Variants in PBRM1 observed in about 807,000 individuals in gnomAD.
The protein encoded by PBRM1 is polybromo 1, also known as protein polybromo-1.
PBRM1 carries 27 observed loss-of-function variants against 194.5 expected under a neutral mutation model. The ratio of observed to expected loss-of-function variants is 0.14; its 90% CI spans 0.10 to 0.19. The LOEUF (loss-of-function observed/expected upper bound fraction) is 0.19, where lower values mean the gene tolerates loss of function less well. PBRM1 is among the 10% of genes least tolerant of loss of function. The pLI is 1.00. For missense variants in PBRM1, 1,466 were observed against 2,077.2 expected (o/e 0.71, Z 5.72); for synonymous variants, 655 against 693.2 (o/e 0.94, Z 0.87).
chr3:52,583,744 G>C (rs559635033), intron 20 of PBRM1, among the ~76,000 whole-genome samples: 2 of 151,806 alleles, frequency 1.3e-5, no homozygotes, highest in African/African-American at 4.8e-5. Flanking sequence ...GAAAATCCTC[G>C]TCTATTCCAA....
chr3:52,579,274 C>T, intron 20 of PBRM1, 75 bp from the exon 23 acceptor site: 2 of 1,369,256 alleles, frequency 1.5e-6, no homozygotes, highest in East Asian at 4.6e-5. Context: ...CGAAAGCAGA[C>T]TTTTCTTTCA....
intron 17 of PBRM1, among the ~76,000 whole-genome samples, chr3:52,593,253 ATCTT>A (rs762818112): frequency 4.4e-4 from 66 of 150,298 alleles, no homozygotes; most frequent in Non-Finnish European, 7.9e-4. Flanking sequence ...TTAATTTGAG[ATCTT>A]TCTTTTTTTT....
At chr3:52,659,032 A>T (rs2096664613) in intron 4 of PBRM1, among the ~76,000 whole-genome samples, 1 of 152,240 alleles carries the variant, frequency 6.6e-6, no homozygotes, top group Non-Finnish European at 1.5e-5. Flanking sequence ...ATGACTACTT[A>T]CATAGAGTTG....
intron 16 of PBRM1, among the ~76,000 whole-genome samples, chr3:52,604,181 C>T (rs754798151): frequency 6.6e-6 from 1 of 152,150 alleles, no homozygotes; most frequent in Non-Finnish European, 1.5e-5. Flanking sequence ...TCCTTTTGGT[C>T]CTACATCATG....
intron 2 of PBRM1, among the ~76,000 whole-genome samples, chr3:52,674,514 G>A (rs1463142191): frequency 6.7e-6 from 1 of 148,844 alleles, no homozygotes; most frequent in Non-Finnish European, 1.5e-5. Flanking sequence ...GAGAGGCTGG[G>A]TGTGGTGGCT....
intron 11 of PBRM1, among the ~76,000 whole-genome samples, chr3:52,629,994 C>T (rs905705889): frequency 2.0e-5 from 3 of 152,138 alleles, no homozygotes; most frequent in Admixed American, 6.6e-5. Flanking sequence ...AAGCAAACAA[C>T]AACTAAGCAC....
chr3:52,679,842 T>C (rs760593495), upstream of PBRM1: 22 of 662,434 alleles, frequency 3.3e-5, no homozygotes, highest in African/African-American at 3.3e-4. Context: ...TAACGTGTTG[T>C]AGTTTAACTA....
intron 11 of PBRM1, among the ~76,000 whole-genome samples, chr3:52,629,991 C>A (rs1197380971): frequency 6.6e-6 from 1 of 152,156 alleles, no homozygotes; most frequent in Admixed American, 6.6e-5. Context: ...ACAAAGCAAA[C>A]AACAACTAAG....
intron 27 of PBRM1, among the ~76,000 whole-genome samples, chr3:52,553,959 G>T (rs532868021): frequency 1.3e-5 from 2 of 152,156 alleles, no homozygotes; most frequent in South Asian, 4.2e-4. Flanking sequence ...ATCGTGCCCG[G>T]CCTAACACCT....
intron 16 of PBRM1, among the ~76,000 whole-genome samples, chr3:52,607,793 C>A (rs2094424056): frequency 6.6e-6 from 1 of 152,164 alleles, no homozygotes; most frequent in East Asian, 1.9e-4. Context: ...TTTTTGACTG[C>A]AAGATGTCCC....
At chr3:52,598,871 A>T (rs554770252) in intron 17 of PBRM1, among the ~76,000 whole-genome samples, 5 of 152,162 alleles carry the variant, frequency 3.3e-5, no homozygotes, top group African/African-American at 4.8e-5. Context: ...AAAATACAAA[A>T]ATCAGCTGGG....
rs749173275 is a variant in PBRM1 at position 52,615,296 on chromosome 3, C to G, written c.1924+55G>C. The G allele has an allele frequency of 5.4e-5, 48 of 894,976 alleles. No homozygotes were observed. The Admixed American group carries it at 6.8e-4, about 13-fold the overall frequency. 55.4% of individuals were successfully genotyped at this position (894,976 alleles called of 1,614,324 possible). On this transcript the variant is annotated intron_variant, in intron 15 of 29. Coordinates refer to ENST00000296302, the Ensembl canonical transcript of PBRM1. ...TAATTAAATATTATTTCAGAAAAAT[C>G]AGCAATCTCTTCTTGATAGACTAAA...
intron 26 of PBRM1, among the ~76,000 whole-genome samples, chr3:52,556,775 G>A (rs547527907): frequency 1.8e-4 from 28 of 152,232 alleles, no homozygotes; most frequent in Admixed American, 1.5e-3. Context: ...AGTGGTTACT[G>A]CAGAGAATGC....
intron 9 of PBRM1, among the ~76,000 whole-genome samples, chr3:52,642,474 G>T (rs1663151634): frequency 6.6e-6 from 1 of 151,658 alleles, no homozygotes; most frequent in Admixed American, 6.6e-5. Flanking sequence ...AAATTAGCCG[G>T]GTGTGGTAGT....
intron 12 of PBRM1, 92 bp from the exon 14 acceptor site, chr3:52,627,462 T>G (rs2095482735): frequency 2.8e-6 from 2 of 712,186 alleles, no homozygotes; most frequent in Non-Finnish European, 4.9e-6. Context: ...TCAGATTCAC[T>G]CAGAAAAATA....
intron 13 of PBRM1, among the ~76,000 whole-genome samples, chr3:52,623,077 C>T (rs1661345821): frequency 6.6e-6 from 1 of 152,202 alleles, no homozygotes; most frequent in Admixed American, 6.5e-5. Context: ...CCAGAACAGA[C>T]ATTTGAATCA....
intron 19 of PBRM1, among the ~76,000 whole-genome samples, 185 bp from the exon 22 acceptor site, chr3:52,586,873 G>A (rs535266349): frequency 3.3e-5 from 5 of 151,826 alleles, no homozygotes; most frequent in Non-Finnish European, 7.4e-5. Flanking sequence ...CTTTGGCTAC[G>A]GAATGGACTT....
chr3:52,587,328 C>G (rs780657813), intron 19 of PBRM1, 25 bp downstream of exon 21: 1 of 1,537,284 alleles, frequency 6.5e-7, no homozygotes, highest in Non-Finnish European at 8.9e-7. Context: ...ATGAGTGAGA[C>G]TTTGGGATTT....
intron 21 of PBRM1, among the ~76,000 whole-genome samples, chr3:52,577,213 G>A (rs1368197271): frequency 6.6e-6 from 1 of 151,966 alleles, no homozygotes; most frequent in Non-Finnish European, 1.5e-5. Flanking sequence ...GGCGAATCAC[G>A]TGAGCTCAGG....
Sources: gnomAD v4.1 joint callset for allele counts (sites outside exome capture counted in the v4.1 genomes callset) on GRCh38, gnomAD v4.1.1 for gene constraint, MANE v1.5 for transcripts, NCBI Gene and HGNC (gene_info 2026-07-23, HGNC 2026-07-21) for gene names.